The following PRKN variants were observed in gnomAD, a reference collection of about 807,000 sequenced individuals.
The protein encoded by PRKN is parkin RBR E3 ubiquitin protein ligase.
Under a neutral mutation model 59.5 loss-of-function variants are expected in PRKN, and 56 were observed. The ratio of observed to expected loss-of-function variants is 0.94; its 90% CI spans 0.76 to 1.18. The LOEUF is 1.18. Ranked by LOEUF, PRKN falls within the 50% of genes most tolerant of loss-of-function variation. PRKN has a pLI of 0.00. For synonymous variants in PRKN, 250 were observed against 222.1 expected, an observed-to-expected ratio of 1.13 and a Z score of -1.12; for missense variants, 657 against 596.4, an observed-to-expected ratio of 1.10 and a Z score of -1.06.
chr6:162,438,915 C>A (rs1583573648), intron 2 of PRKN, among the ~76,000 whole-genome samples: 1 of 152,196 alleles, frequency 6.6e-6, no homozygotes, highest in South Asian at 2.1e-4. Context: ...TCCCCTGACA[C>A]AAACTTTAAA....
chr6:161,501,375 T>C (rs181596551), intron 9 of PRKN, among the ~76,000 whole-genome samples: 1 of 152,370 alleles, frequency 6.6e-6, no homozygotes, highest in East Asian at 1.9e-4. Flanking sequence ...TGACATATGA[T>C]GTTGAACATC....
intron 1 of PRKN, among the ~76,000 whole-genome samples, chr6:162,725,084 A>C (rs765547886): frequency 2.6e-5 from 4 of 152,194 alleles, no homozygotes; most frequent in Non-Finnish European, 5.9e-5. Flanking sequence ...TACTGTCTTT[A>C]TTCTGGGCCC....
intron 1 of PRKN, among the ~76,000 whole-genome samples, chr6:162,457,357 T>C (rs575563072): frequency 6.6e-6 from 1 of 152,302 alleles, no homozygotes; most frequent in African/African-American, 2.4e-5. Flanking sequence ...GGGTAAATCA[T>C]CAGTTTTAAT....
intron 4 of PRKN, among the ~76,000 whole-genome samples, chr6:162,168,109 A>G (rs186548443): frequency 4.6e-4 from 70 of 152,312 alleles, no homozygotes; most frequent in African/African-American, 1.3e-3. Flanking sequence ...TATAAGAAGT[A>G]TAAGTCAAAT....
At chr6:162,469,787 G>A (rs1471204243) in intron 1 of PRKN, among the ~76,000 whole-genome samples, 1 of 152,070 alleles carries the variant, frequency 6.6e-6, no homozygotes, top group Admixed American at 6.6e-5. Flanking sequence ...AGTGTATACT[G>A]CTTGGATGAT....
Position 161,567,582 on chromosome 6 carries a change from C to T in PRKN, c.933+1773G>A, listed in dbSNP as rs189329195. On this transcript the variant is annotated intron_variant, in intron 8 of 11. Coordinates refer to ENST00000366898, the MANE Select transcript of PRKN (RefSeq NM_004562.3). ...GTCTGCATGTGTGTGTGTGTGTTTG[C>T]GCGTGTGTTTGCGTTTTAGGAAATA... Among the ~76,000 whole-genome samples the T allele has an allele frequency of 1.4e-4, 21 of 151,892 alleles. 2 individuals are homozygous for T. The highest frequency in any genetic ancestry group is 3.9e-4 in the Admixed American group (6 of 15,256).
chr6:162,372,821 C>T (rs1396876152), intron 2 of PRKN, among the ~76,000 whole-genome samples: 2 of 152,080 alleles, frequency 1.3e-5, no homozygotes, highest in Non-Finnish European at 2.9e-5. Flanking sequence ...ACACTAAAGC[C>T]CGTGTATCTT....
chr6:162,494,145 C>T (rs1792946241), intron 1 of PRKN, among the ~76,000 whole-genome samples: 1 of 152,170 alleles, frequency 6.6e-6, no homozygotes, highest in Non-Finnish European at 1.5e-5. Flanking sequence ...CATTGTGGTG[C>T]ACTATAAATA....
intron 9 of PRKN, among the ~76,000 whole-genome samples, chr6:161,412,542 AC>A (rs1461511014): frequency 6.9e-6 from 1 of 144,188 alleles, no homozygotes; most frequent in African/African-American, 2.6e-5. Context: ...TCCTCCACTC[AC>A]TCATTCCTTC....
chr6:162,593,744 A>G (rs555332002), intron 1 of PRKN, among the ~76,000 whole-genome samples: 45 of 152,364 alleles, frequency 3.0e-4, no homozygotes, highest in African/African-American at 1.1e-3. Context: ...TAGGGCAGGG[A>G]CAGGAACAGC....
chr6:162,072,285 C>A (rs1265576458), intron 4 of PRKN, among the ~76,000 whole-genome samples: 1 of 151,404 alleles, frequency 6.6e-6, no homozygotes, highest in Admixed American at 6.6e-5. Context: ...GAGACTCCGT[C>A]CAAAAAAAAA....
At chr6:162,556,366 T>TGTGTGTGTGCGTGC (rs1554243445) in intron 1 of PRKN, among the ~76,000 whole-genome samples, 3 of 98,298 alleles carry the variant, frequency 3.1e-5, no homozygotes, top group African/African-American at 9.1e-5. Flanking sequence ...TGTGTGTGTG[T>TGTGTGTGTGCGTGC]GTGTGTGTGT....
At chr6:162,334,903 A>G (rs563471976) in intron 2 of PRKN, among the ~76,000 whole-genome samples, 1 of 152,312 alleles carries the variant, frequency 6.6e-6, no homozygotes, top group African/African-American at 2.4e-5. Flanking sequence ...AAGTCACTGC[A>G]GATGTGGTAA....
At chr6:161,873,209 A>G (rs9458404) in intron 6 of PRKN, among the ~76,000 whole-genome samples, 95,958 of 151,428 alleles carry the variant, frequency 0.63, 31,089 homozygotes, top group Middle Eastern at 0.71. Context: ...CGTCAGTCTC[A>G]GGGACTCCAT....
intron 1 of PRKN, chr6:162,569,155 A>T: frequency 1.6e-6 from 1 of 608,796 alleles, no homozygotes; most frequent in South Asian, 1.6e-5. Flanking sequence ...AAGAGCATGT[A>T]CCAGATCAAG....
intron 1 of PRKN, among the ~76,000 whole-genome samples, chr6:162,586,123 A>G (rs1781041660): frequency 6.6e-6 from 1 of 152,170 alleles, no homozygotes; most frequent in African/African-American, 2.4e-5. Flanking sequence ...CCAATAGAGG[A>G]GCCAGGATTC....
chr6:162,014,650 G>A (rs1782865905), intron 5 of PRKN, among the ~76,000 whole-genome samples: 1 of 152,166 alleles, frequency 6.6e-6, no homozygotes, highest in South Asian at 2.1e-4. Flanking sequence ...ATACACTGCA[G>A]TGAGTGATGA....
intron 7 of PRKN, among the ~76,000 whole-genome samples, chr6:161,772,657 C>T (rs2128203138): frequency 6.6e-6 from 1 of 152,268 alleles, no homozygotes; most frequent in African/African-American, 2.4e-5. Context: ...ATCTTGTCAT[C>T]CAAGCAATTC....
chr6:162,449,919 A>G (rs2128170311), intron 1 of PRKN, among the ~76,000 whole-genome samples: 1 of 152,344 alleles, frequency 6.6e-6, no homozygotes, highest in East Asian at 1.9e-4. Flanking sequence ...CAGGAGAAGT[A>G]CAGTTACGTA....
Sources: gnomAD v4.1 joint callset for allele counts (sites outside exome capture counted in the v4.1 genomes callset) on GRCh38, gnomAD v4.1.1 for gene constraint, MANE v1.5 for transcripts, NCBI Gene and HGNC (gene_info 2026-07-23, HGNC 2026-07-21) for gene names.